The following FHIT variants were observed in gnomAD, a reference collection of about 807,000 sequenced individuals.
FHIT encodes the protein bis(5'-adenosyl)-triphosphatase.
A neutral mutation model predicts 17.9 loss-of-function variants in FHIT; 19 were observed. The observed-to-expected ratio is 1.06, with a 90% CI of 0.74 to 1.56. FHIT has a LOEUF of 1.56. FHIT is among the 40% of genes most tolerant of loss of function. The pLI, the probability that FHIT is intolerant of heterozygous loss-of-function variation, is 0.00. For synonymous variants in FHIT, 81 were observed against 69.7 expected, an observed-to-expected ratio of 1.16 and a Z score of -0.81; for missense variants, 248 against 189.2, an observed-to-expected ratio of 1.31 and a Z score of -1.82.
chr3:60,414,093 T>C (rs1202845475), intron 5 of FHIT, among the ~76,000 whole-genome samples: 2 of 152,166 alleles, frequency 1.3e-5, no homozygotes, highest in Non-Finnish European at 2.9e-5. Flanking sequence ...GAGAAATGCA[T>C]TTACATACAG....
At chr3:60,926,419 A>G (rs1707616861) in intron 3 of FHIT, among the ~76,000 whole-genome samples, 1 of 152,238 alleles carries the variant, frequency 6.6e-6, no homozygotes, top group South Asian at 2.1e-4. Context: ...AAACCACACA[A>G]CTACATGGAA....
chr3:60,287,811 A>G (rs1184635307), intron 5 of FHIT, among the ~76,000 whole-genome samples: 1 of 6,052 alleles, frequency 1.7e-4, no homozygotes, highest in Non-Finnish European at 2.8e-4. Context: ...CACACACTTC[A>G]TCAGCACCAG....
intron 5 of FHIT, among the ~76,000 whole-genome samples, chr3:60,226,752 A>C (rs1414024508): frequency 6.6e-6 from 1 of 152,142 alleles, no homozygotes; most frequent in African/African-American, 2.4e-5. Flanking sequence ...AAGAATGAGA[A>C]GCAAATAATC....
chr3:60,889,028 T>C (rs1460923850), intron 3 of FHIT, among the ~76,000 whole-genome samples: 3 of 152,192 alleles, frequency 2.0e-5, no homozygotes, highest in African/African-American at 7.2e-5. Flanking sequence ...GTAACCTTTT[T>C]CGATTACCTA....
At chr3:60,759,406 C>T (rs1699556888) in intron 4 of FHIT, among the ~76,000 whole-genome samples, 1 of 152,046 alleles carries the variant, frequency 6.6e-6, no homozygotes, top group African/African-American at 2.4e-5. Flanking sequence ...TAACCGAAGT[C>T]TAGAGTTGAA....
At chr3:60,696,098 G>A (rs1341611456) in intron 4 of FHIT, among the ~76,000 whole-genome samples, 2 of 152,046 alleles carry the variant, frequency 1.3e-5, no homozygotes, top group African/African-American at 4.8e-5. Context: ...AAAGGGTAAT[G>A]CTGCTTTAAA....
chr3:61,102,925 C>G (rs144045599), intron 2 of FHIT, among the ~76,000 whole-genome samples: 30 of 152,206 alleles, frequency 2.0e-4, no homozygotes, highest in African/African-American at 7.0e-4. Flanking sequence ...TTTATTGCAT[C>G]TATTTGATTC....
intron 7 of FHIT, among the ~76,000 whole-genome samples, chr3:59,958,654 C>G (rs1055739979): frequency 3.3e-5 from 5 of 152,106 alleles, no homozygotes; most frequent in African/African-American, 1.2e-4. Flanking sequence ...GTAAACAATG[C>G]CTTGGTGAAA....
intron 5 of FHIT, among the ~76,000 whole-genome samples, chr3:60,471,446 C>A (rs937747118): frequency 2.6e-5 from 4 of 152,286 alleles, no homozygotes; most frequent in African/African-American, 9.6e-5. Flanking sequence ...TCCTTGGGAA[C>A]CTGCTGAGTT....
chr3:59,855,502 C>A (rs1436971057), intron 8 of FHIT, among the ~76,000 whole-genome samples: 1 of 152,150 alleles, frequency 6.6e-6, no homozygotes, highest in African/African-American at 2.4e-5. Flanking sequence ...TATTTTCCCC[C>A]ACTTGATATT....
At chr3:60,920,846 C>T (rs1707246488) in intron 3 of FHIT, among the ~76,000 whole-genome samples, 1 of 152,036 alleles carries the variant, frequency 6.6e-6, no homozygotes, top group Non-Finnish European at 1.5e-5. Context: ...ATTAGAAAAC[C>T]ACTACTAAAG....
At chr3:59,759,970 G>C (rs1426307384) in intron 8 of FHIT, among the ~76,000 whole-genome samples, 1 of 115,560 alleles carries the variant, frequency 8.7e-6, no homozygotes, top group Non-Finnish European at 1.9e-5. Context: ...ACTGGACCTT[G>C]GACTAAGCAC....
chr3:60,618,708 T>G (rs533743401), intron 4 of FHIT, among the ~76,000 whole-genome samples: 20 of 152,192 alleles, frequency 1.3e-4, no homozygotes, highest in Non-Finnish European at 7.3e-5. Context: ...AAGTTGAAAT[T>G]TGATTAAGTT....
rs185150358 is a variant in FHIT at position 59,907,482 on chromosome 3, A to T, written c.348+14864T>A. ...ATGATTCATGCAGGGATAAGGACAC[A>T]GAAGAGTTCTAACTGCCCACCCCCA... On this transcript the variant is annotated intron_variant, in intron 8 of 9. Transcript: ENST00000492590. 1.8e-4 allele frequency among the ~76,000 whole-genome samples: 27 copies of T among 152,352 alleles called. No individual in the cohort carries two copies. In the East Asian group the frequency reaches 5.2e-3, roughly 29 times the overall value.
intron 4 of FHIT, among the ~76,000 whole-genome samples, chr3:60,569,757 T>A (rs866707491): frequency 0.025 from 544 of 21,570 alleles, 2 homozygotes; most frequent in Non-Finnish European, 0.038. Flanking sequence ...ATATATATAT[T>A]TTTTTTTTTT....
At chr3:61,008,751 G>T (rs1055281909) in intron 3 of FHIT, among the ~76,000 whole-genome samples, 1 of 152,102 alleles carries the variant, frequency 6.6e-6, no homozygotes, top group African/African-American at 2.4e-5. Context: ...AAGAAATGTG[G>T]CCCACATTGG....
intron 5 of FHIT, among the ~76,000 whole-genome samples, chr3:60,156,275 G>A (rs1466917583): frequency 5.3e-5 from 8 of 151,190 alleles, no homozygotes; most frequent in South Asian, 2.1e-4. Flanking sequence ...GCTTGAACCC[G>A]GGAGGCAGAG....
chr3:60,208,343 A>T (rs1396879799), intron 5 of FHIT, among the ~76,000 whole-genome samples: 1 of 151,960 alleles, frequency 6.6e-6, no homozygotes, highest in Non-Finnish European at 1.5e-5. Flanking sequence ...GCCAAATCAG[A>T]GGTAGGCAAA....
At chr3:60,525,636 A>T (rs1408453844) in intron 5 of FHIT, among the ~76,000 whole-genome samples, 1 of 152,160 alleles carries the variant, frequency 6.6e-6, no homozygotes, top group East Asian at 1.9e-4. Flanking sequence ...CATAATTGTA[A>T]ATCTCTCCAT....
Sources: gnomAD v4.1 joint callset for allele counts (sites outside exome capture counted in the v4.1 genomes callset) on GRCh38, gnomAD v4.1.1 for gene constraint, MANE v1.5 for transcripts, NCBI Gene and HGNC (gene_info 2026-07-23, HGNC 2026-07-21) for gene names.